The following RASD2 variants were observed in gnomAD, a reference collection of about 807,000 sequenced individuals.
RASD2 encodes GTP-binding protein Rhes.
A neutral mutation model predicts 15.8 loss-of-function variants in RASD2; 7 were observed. That is an observed-to-expected ratio of 0.44 (90% CI 0.25 to 0.83). RASD2 has a LOEUF of 0.83. Ranked by LOEUF, RASD2 falls within the 40% of genes least tolerant of loss-of-function variation. The pLI, the probability that RASD2 is intolerant of heterozygous loss-of-function variation, is 0.20. For synonymous variants in RASD2, 155 were observed against 153.6 expected (o/e 1.01, Z -0.07); for missense variants, 274 against 382.8 (o/e 0.72, Z 2.37).
intron 1 of RASD2, among the ~76,000 whole-genome samples, chr22:35,545,608 G>A (rs980222232): frequency 1.3e-5 from 2 of 152,170 alleles, no homozygotes; most frequent in African/African-American, 4.8e-5. Context: ...TTCAGGGGCT[G>A]GAAAGCTCTC....
the RASD2 span, among the ~76,000 whole-genome samples, chr22:35,534,523 T>G: frequency 3.9e-5 from 6 of 152,214 alleles, no homozygotes; most frequent in African/African-American, 1.2e-4. Context: ...GCTCCATAAA[T>G]GGTCTTCATT....
rs995077402 is a variant in RASD2 at position 35,553,041 on chromosome 22, G to A, written c.*1009G>A. 1 of 151,488 alleles carries A rather than the reference G, an allele frequency of 6.6e-6. No homozygotes were observed. Among genetic ancestry groups the A allele is most frequent in the African/African-American group, 2.4e-5 (1 of 41,132 alleles). The allele number at this position is 151,488 out of a possible 1,614,324, so 9.4% of individuals were successfully genotyped here. A position where few individuals can be genotyped will look rare whatever the true frequency, so the allele number is the denominator to read the frequency against. ...TCGGAGGGGACACGATGAGCACCAG[G>A]CCCCACCTTTGTCCCCTAGCAAATT... On this transcript the variant is annotated 3_prime_UTR_variant, in exon 3 of 3. Transcript: ENST00000216127.
intron 2 of RASD2, among the ~76,000 whole-genome samples, chr22:35,549,088 A>T (rs898475192): frequency 3.3e-5 from 5 of 152,210 alleles, no homozygotes; most frequent in African/African-American, 1.2e-4. Context: ...ATACCCAAAC[A>T]CACCCTCCTG....
At chr22:35,542,444 G>A (rs1368312599) in intron 1 of RASD2, among the ~76,000 whole-genome samples, 1 of 152,256 alleles carries the variant, frequency 6.6e-6, no homozygotes, top group Non-Finnish European at 1.5e-5. Flanking sequence ...GGAATAACCT[G>A]AGCCCCAGGA....
chr22:35,550,525 T>G (rs1384236982), intron 2 of RASD2, among the ~76,000 whole-genome samples: 1 of 149,280 alleles, frequency 6.7e-6, no homozygotes, highest in African/African-American at 2.5e-5. Context: ...GAGGTACCAG[T>G]CCAGACAGCC....
upstream of RASD2, among the ~76,000 whole-genome samples, chr22:35,536,077 A>T (rs1934244582): frequency 6.6e-6 from 1 of 152,168 alleles, no homozygotes; most frequent in African/African-American, 2.4e-5. Flanking sequence ...ATGCCAGATG[A>T]GGTGCCAGCC....
chr22:35,550,859 A>C (rs1042675205), intron 2 of RASD2, among the ~76,000 whole-genome samples: 12 of 152,244 alleles, frequency 7.9e-5, no homozygotes, highest in African/African-American at 2.9e-4. Flanking sequence ...TGAGGAATCA[A>C]GAGAACAACG....
chr22:35,551,233 T>C lies in RASD2; in HGVS notation c.272-270T>C, dbSNP rs1298352955. On this transcript the variant is annotated intron_variant, in intron 2 of 2. Transcript: ENST00000216127. The surrounding 1 kb of genome is among the most constrained non-coding windows in gnomAD (Gnocchi z 4.9). The stretch of plus-strand genomic sequence containing the variant: ...AAAGAAATGTGAAGTGAGTTAACTG[T>C]ATTTGAACCAAGTGGTCCACGTGTT... Among the ~76,000 whole-genome samples, 1 of 152,182 alleles carries C rather than the reference T, an allele frequency of 6.6e-6. No homozygotes were observed. Among genetic ancestry groups the C allele is most frequent in the African/African-American group, 2.4e-5 (1 of 41,456 alleles).
intron 1 of RASD2, among the ~76,000 whole-genome samples, chr22:35,544,653 G>A (rs910337679): frequency 6.6e-6 from 1 of 152,226 alleles, no homozygotes; most frequent in African/African-American, 2.4e-5. Context: ...GGGGGTCTTA[G>A]GCTTGAACTA....
the RASD2 span, among the ~76,000 whole-genome samples, chr22:35,534,877 G>A: frequency 3.1e-3 from 476 of 152,310 alleles, 3 homozygotes; most frequent in African/African-American, 0.011. Flanking sequence ...TGAATCACCC[G>A]TGGTGGGATT....
rs1934661084 is a variant in RASD2, at chr22:35,551,446, G to A, written c.272-57G>A. Reference sequence around the variant, plus strand: ...TTAGGGCTGATGTTCTGTGGCCAGAGGAGGGCAGGGGTTGCAGCTGGCCGG... The same window carrying A: ...TTAGGGCTGATGTTCTGTGGCCAGAAGAGGGCAGGGGTTGCAGCTGGCCGG... On this transcript the variant is annotated intron_variant, in intron 2 of 2. Coordinates refer to ENST00000216127, the MANE Select transcript of RASD2 (RefSeq NM_014310.4). The surrounding 1 kb of genome is among the most constrained non-coding windows in gnomAD (Gnocchi z 4.9). 4 of 1,550,086 alleles carry A rather than the reference G, an allele frequency of 2.6e-6. No homozygotes were observed. In the Admixed American group the frequency reaches 7.1e-5, roughly 27 times the overall value.
chr22:35,540,509 G>A (rs1934317487), upstream of RASD2, among the ~76,000 whole-genome samples: 1 of 150,848 alleles, frequency 6.6e-6, no homozygotes, highest in Non-Finnish European at 1.5e-5. Flanking sequence ...CTGGCGCTGG[G>A]CGGCGGGAGG....
At chr22:35,543,710 A>C (rs1314951272) in intron 1 of RASD2, among the ~76,000 whole-genome samples, 3 of 152,082 alleles carry the variant, frequency 2.0e-5, no homozygotes, top group African/African-American at 7.2e-5. Flanking sequence ...CTTCTCTCAG[A>C]GATAAAAACC....
At chr22:35,541,596 T>C (rs1462508455) in intron 1 of RASD2, 96 bp downstream of exon 1, 2 of 152,234 alleles carry the variant, frequency 1.3e-5, no homozygotes, top group East Asian at 1.9e-4. Context: ...AGTGATTCCT[T>C]AGATGACCAG....
In RASD2 at chr22:35,551,765, C is replaced by T. The variant is rs774802862; in HGVS notation, c.534C>T (p.Asn178=). ...AGGTGTCGGCCAAGAAGAACACCAA[C>T]GTGGACGAGATGTTCTACGTGCTCT... ...YFEVSAKKNT[N]VDEMFYVLFS... The change falls in exon 3 of 3, where the codon AAC becomes AAT. Residue 178 remains asparagine (N), a synonymous_variant. Transcript: ENST00000216127. This position sits in a 1 kb window ranked among gnomAD's most constrained non-coding sequence, Gnocchi z 4.9. 22 of 1,613,992 alleles carry T rather than the reference C, an allele frequency of 1.4e-5. No homozygotes were observed. The Admixed American group carries it at 3.3e-4, about 24-fold the overall frequency.
chr22:35,538,816 GC>G (rs1410030780), upstream of RASD2, among the ~76,000 whole-genome samples: 1 of 152,202 alleles, frequency 6.6e-6, no homozygotes, highest in Admixed American at 6.5e-5. Context: ...TCCAGGTGAA[GC>G]GTGCCACCCT....
upstream of RASD2, among the ~76,000 whole-genome samples, chr22:35,537,633 C>T (rs1934262055): frequency 6.6e-6 from 1 of 152,196 alleles, no homozygotes. Context: ...AAGAGCCAGG[C>T]TTTGGTGCTG....
chr22:35,542,582 G>A (rs1156551466), intron 1 of RASD2, among the ~76,000 whole-genome samples: 1 of 152,190 alleles, frequency 6.6e-6, no homozygotes, highest in Non-Finnish European at 1.5e-5. Context: ...CCAAGCTCCC[G>A]GACTCTCAGA....
chr22:35,543,574 G>A (rs1934409123), intron 1 of RASD2, among the ~76,000 whole-genome samples: 1 of 152,238 alleles, frequency 6.6e-6, no homozygotes, highest in South Asian at 2.1e-4. Context: ...TGCCACCTCT[G>A]GGGGAAGAGA....
Sources: allele counts gnomAD v4.1 joint callset (sites outside exome capture counted in the v4.1 genomes callset), GRCh38; gene constraint gnomAD v4.1.1; non-coding constraint Gnocchi (gnomAD v3.1); transcripts MANE v1.5; gene names NCBI Gene and HGNC (gene_info 2026-07-23, HGNC 2026-07-21).